Variants in NWD2 observed in about 807,000 individuals in gnomAD.
NWD2 encodes NACHT and WD repeat domain containing 2, also known as NACHT and WD repeat domain-containing protein 2.
Under a neutral mutation model 132.7 loss-of-function variants are expected in NWD2, and 37 were observed. The observed-to-expected ratio is 0.28, with a 90% confidence interval of 0.21 to 0.37. NWD2 has a LOEUF of 0.37. NWD2 is among the 10% of genes least tolerant of loss of function. The pLI is 1.00. For synonymous variants in NWD2, 705 were observed against 803.0 expected, an observed-to-expected ratio of 0.88 and a Z score of 2.06; for missense variants, 1,592 against 2,122.4, an observed-to-expected ratio of 0.75 and a Z score of 4.91.
intron 1 of NWD2, among the ~76,000 whole-genome samples, chr4:37,252,593 T>C (rs772288656): frequency 1.3e-5 from 2 of 152,204 alleles, no homozygotes; most frequent in Admixed American, 6.5e-5. Flanking sequence ...TTCTGTTCCA[T>C]GGGGTATTGA....
At chr4:37,427,960 C>T (rs1712054148) in intron 3 of NWD2, among the ~76,000 whole-genome samples, 1 of 152,210 alleles carries the variant, frequency 6.6e-6, no homozygotes, top group African/African-American at 2.4e-5. Flanking sequence ...TATTTGACTA[C>T]AGAAAGAAGC....
intron 3 of NWD2, among the ~76,000 whole-genome samples, chr4:37,382,688 A>ATATT (rs1055055670): frequency 5.5e-4 from 84 of 151,450 alleles, no homozygotes; most frequent in African/African-American, 4.8e-4. Context: ...TATTTTTTAT[A>ATATT]TATTTATTTA....
At chr4:37,346,223 TG>T (rs1218564254) in intron 2 of NWD2, among the ~76,000 whole-genome samples, 1 of 152,218 alleles carries the variant, frequency 6.6e-6, no homozygotes, top group Non-Finnish European at 1.5e-5. Context: ...TTCATTCTTT[TG>T]CATGTGAATA....
chr4:37,379,545 C>T (rs574373687), intron 3 of NWD2, among the ~76,000 whole-genome samples: 3 of 152,182 alleles, frequency 2.0e-5, no homozygotes, highest in African/African-American at 7.2e-5. Context: ...TAAATACCTC[C>T]AGGAGGTATT....
intron 3 of NWD2, among the ~76,000 whole-genome samples, chr4:37,394,810 T>TGTTTGTTTGTTTG (rs1553897371): frequency 8.2e-6 from 1 of 121,430 alleles, no homozygotes; most frequent in African/African-American, 3.2e-5. Context: ...TTTTTTTTTT[T>TGTTTGTTTGTTTG]TTTTTTTTTT....
At chr4:37,297,001 A>G (rs1289407994) in intron 1 of NWD2, among the ~76,000 whole-genome samples, 2 of 152,144 alleles carry the variant, frequency 1.3e-5, no homozygotes, top group African/African-American at 4.8e-5. Context: ...TTTGGGATTC[A>G]CAGAAAAGTT....
At chr4:37,327,764 T>G (rs996664382) in intron 2 of NWD2, among the ~76,000 whole-genome samples, 1 of 152,156 alleles carries the variant, frequency 6.6e-6, no homozygotes, top group Non-Finnish European at 1.5e-5. Context: ...GGATATATTT[T>G]TTAGAGAGGC....
chr4:37,303,886 G>A (rs899079289), intron 1 of NWD2, among the ~76,000 whole-genome samples: 2 of 151,922 alleles, frequency 1.3e-5, no homozygotes, highest in African/African-American at 2.4e-5. Context: ...CTGCAAACAG[G>A]GACAGTTTCA....
intron 2 of NWD2, among the ~76,000 whole-genome samples, chr4:37,348,856 C>T (rs1719702800): frequency 6.6e-6 from 1 of 151,216 alleles, no homozygotes; most frequent in Non-Finnish European, 1.5e-5. Flanking sequence ...ACAACAGGCC[C>T]CTGTGTGTGA....
chr4:37,260,635 T>G (rs1717610802), intron 1 of NWD2, among the ~76,000 whole-genome samples: 1 of 152,134 alleles, frequency 6.6e-6, no homozygotes. Flanking sequence ...TACAACAAAG[T>G]TTGTGAGGAA....
At chr4:37,256,116 G>T (rs1322402342) in intron 1 of NWD2, among the ~76,000 whole-genome samples, 1 of 152,168 alleles carries the variant, frequency 6.6e-6, no homozygotes, top group Non-Finnish European at 1.5e-5. Context: ...AGGCTGTGGG[G>T]CCATATTCAG....
chr4:37,275,957 A>T lies in NWD2; in HGVS notation c.151+30739A>T, dbSNP rs891835842. The stretch of plus-strand genomic sequence containing the variant: ...TTATACAAAAATTAATTCAAGATGA[A>T]TTAAAGACTTAAATGTTAGACCTAA... On this transcript the variant is annotated intron_variant, in intron 1 of 6. Transcript: ENST00000309447. 2.0e-4 allele frequency among the ~76,000 whole-genome samples: 30 copies of T among 152,338 alleles called. 1 individual carries two copies. Among genetic ancestry groups the T allele is most frequent in the Middle Eastern group, 3.4e-3 (1 of 294 alleles).
intron 3 of NWD2, among the ~76,000 whole-genome samples, chr4:37,374,893 T>A (rs1189635471): frequency 2.0e-5 from 3 of 152,156 alleles, no homozygotes; most frequent in Non-Finnish European, 4.4e-5. Context: ...GTGCTGAGAG[T>A]TTCTCAACTG....
At chr4:37,428,202 CTG>C (rs1038905073) in intron 3 of NWD2, among the ~76,000 whole-genome samples, 10 of 152,316 alleles carry the variant, frequency 6.6e-5, no homozygotes, top group East Asian at 1.9e-4. Flanking sequence ...GAAAAGAACA[CTG>C]TGAATACTGG....
chr4:37,356,597 T>C (rs1463052459), intron 3 of NWD2, 115 bp downstream of exon 3: 2 of 667,136 alleles, frequency 3.0e-6, no homozygotes, highest in Admixed American at 2.5e-5. Flanking sequence ...CTTTTTTATG[T>C]CTATTTAAAC....
intron 5 of NWD2, among the ~76,000 whole-genome samples, chr4:37,436,886 T>C (rs183317484): frequency 1.3e-5 from 2 of 152,296 alleles, no homozygotes; most frequent in Non-Finnish European, 2.9e-5. Flanking sequence ...TAAGCTCCTT[T>C]AACTGGCTTC....
chr4:37,406,714 A>G (rs13150470), intron 3 of NWD2, among the ~76,000 whole-genome samples: 20,997 of 152,104 alleles, frequency 0.14, 1,576 homozygotes, highest in East Asian at 0.29. Context: ...CCTGACCAAC[A>G]TGGGAAAACC....
chr4:37,400,923 A>G (rs913426560), intron 3 of NWD2, among the ~76,000 whole-genome samples: 1 of 152,240 alleles, frequency 6.6e-6, no homozygotes, highest in Non-Finnish European at 1.5e-5. Context: ...CAAACAAACC[A>G]TATCCAAACC....
At chr4:37,313,648 T>C (rs974112703) in intron 1 of NWD2, among the ~76,000 whole-genome samples, 1 of 151,110 alleles carries the variant, frequency 6.6e-6, no homozygotes, top group African/African-American at 2.5e-5. Flanking sequence ...ATTTATCAAG[T>C]TGAGGAAGTT....
Sources: gnomAD v4.1 joint callset for allele counts (sites outside exome capture counted in the v4.1 genomes callset) on GRCh38, gnomAD v4.1.1 for gene constraint, MANE v1.5 for transcripts, NCBI Gene and HGNC (gene_info 2026-07-23, HGNC 2026-07-21) for gene names.